Variants in VWA8 observed in about 807,000 individuals in gnomAD.
VWA8 encodes the protein von Willebrand factor A domain containing 8, also known as von Willebrand factor A domain-containing protein 8.
In VWA8, 221 loss-of-function variants were observed where a neutral mutation model predicts 241.5. The ratio of observed to expected loss-of-function variants is 0.91; its 90% CI spans 0.82 to 1.02. The LOEUF (loss-of-function observed/expected upper bound fraction) is 1.02. Ranked by LOEUF, VWA8 falls within the 50% of genes least tolerant of loss-of-function variation. VWA8 has a pLI of 0.00. For missense variants in VWA8, 2,322 were observed against 2,328.7 expected (o/e 1.00, Z 0.06); for synonymous variants, 852 against 827.1 (o/e 1.03, Z -0.52).
intron 12 of VWA8, among the ~76,000 whole-genome samples, chr13:41,864,431 G>A (rs191827238): frequency 1.4e-3 from 211 of 151,648 alleles, no homozygotes; most frequent in African/African-American, 4.8e-3. Context: ...ACAACCCCAA[G>A]GTCCATCAAC....
chr13:41,819,423 C>T (rs753432657), intron 14 of VWA8, 37 bp from the exon 15 acceptor site: 1 of 1,574,402 alleles, frequency 6.4e-7, no homozygotes, highest in Admixed American at 2.0e-5. Flanking sequence ...AATAACATAT[C>T]TTTCATGTAA....
chr13:41,941,488 T>G (rs1877596309), intron 2 of VWA8, among the ~76,000 whole-genome samples: 1 of 152,218 alleles, frequency 6.6e-6, no homozygotes, highest in African/African-American at 2.4e-5. Flanking sequence ...AACTGAAGCT[T>G]ATTTGAAAAG....
chr13:41,573,486 A>AATATATATATAT (rs1555303590), intron 43 of VWA8, among the ~76,000 whole-genome samples: 459 of 113,556 alleles, frequency 4.0e-3, no homozygotes, highest in Non-Finnish European at 6.3e-3. Context: ...AAAAAAAAAA[A>AATATATATATAT]ATATATATAT....
chr13:41,860,428 A>C (rs1305819902), intron 12 of VWA8, among the ~76,000 whole-genome samples: 1 of 152,154 alleles, frequency 6.6e-6, no homozygotes, highest in Non-Finnish European at 1.5e-5. Flanking sequence ...TTTTTCAGAG[A>C]GAGGACTGAT....
intron 12 of VWA8, among the ~76,000 whole-genome samples, chr13:41,861,680 A>G (rs1017106686): frequency 6.6e-6 from 1 of 152,174 alleles, no homozygotes; most frequent in African/African-American, 2.4e-5. Context: ...CAAATCAAGA[A>G]CACAATCCCA....
At chr13:41,641,483 T>A (rs957506049) in intron 37 of VWA8, among the ~76,000 whole-genome samples, 8 of 152,284 alleles carry the variant, frequency 5.3e-5, no homozygotes, top group African/African-American at 1.9e-4. Flanking sequence ...ATTTAATGCA[T>A]GGGTAACTTG....
intron 43 of VWA8, among the ~76,000 whole-genome samples, chr13:41,571,761 G>A (rs1244584718): frequency 6.6e-6 from 1 of 152,192 alleles, no homozygotes; most frequent in Non-Finnish European, 1.5e-5. Flanking sequence ...GCCTCTACCC[G>A]GCCGCCACCC....
At chr13:41,796,522 T>C (rs183772230) in intron 17 of VWA8, among the ~76,000 whole-genome samples, 21 of 150,618 alleles carry the variant, frequency 1.4e-4, no homozygotes, top group Non-Finnish European at 3.0e-4. Flanking sequence ...AAAATTAAAT[T>C]ACTTATTTGT....
intron 21 of VWA8, among the ~76,000 whole-genome samples, chr13:41,745,283 T>TCCCGCATC (rs2045596611): frequency 6.6e-6 from 1 of 152,100 alleles, no homozygotes; most frequent in Admixed American, 6.6e-5. Flanking sequence ...ATGCTATCCC[T>TCCCGCATC]CCCGCATCCC....
chr13:41,850,195 C>T (rs187833895), intron 12 of VWA8, among the ~76,000 whole-genome samples: 12 of 152,298 alleles, frequency 7.9e-5, no homozygotes, highest in African/African-American at 2.2e-4. Flanking sequence ...TTTTTATACA[C>T]ATGCCCAAAG....
At chr13:41,694,899 T>C (rs1313396702) in intron 29 of VWA8, among the ~76,000 whole-genome samples, 1 of 152,166 alleles carries the variant, frequency 6.6e-6, no homozygotes, top group Non-Finnish European at 1.5e-5. Context: ...AACTGTATCT[T>C]TCTAAGTGAC....
Position 41,886,777 on chromosome 13 carries a change from T to C in VWA8, c.866+4A>G. The C allele has an allele frequency of 6.3e-7, 1 of 1,592,994 alleles. No homozygotes were observed. Among genetic ancestry groups the C allele is most frequent in the Non-Finnish European group, 8.5e-7 (1 of 1,172,454 alleles). On this transcript the variant is annotated splice_donor_region_variant and intron_variant, in intron 7 of 44. Transcript: ENST00000379310. Reference sequence around the variant, plus strand: ...TGTCCAGACATTTATAAAAATATACTTACTTCTCAGCAGAAACATTGGCTC... The same window carrying C: ...TGTCCAGACATTTATAAAAATATACCTACTTCTCAGCAGAAACATTGGCTC...
intron 12 of VWA8, among the ~76,000 whole-genome samples, chr13:41,842,739 T>C (rs1051769049): frequency 2.6e-5 from 4 of 152,216 alleles, no homozygotes; most frequent in African/African-American, 7.2e-5. Context: ...CACAACCAAA[T>C]ACCCTCATTT....
At chr13:41,834,444 C>G (rs894671503) in intron 12 of VWA8, among the ~76,000 whole-genome samples, 2 of 152,146 alleles carry the variant, frequency 1.3e-5, no homozygotes, top group African/African-American at 4.8e-5. Context: ...AGATAGAAAA[C>G]TAATGAATTT....
intron 21 of VWA8, among the ~76,000 whole-genome samples, chr13:41,753,901 T>C (rs775285434): frequency 5.9e-5 from 9 of 152,200 alleles, no homozygotes; most frequent in Non-Finnish European, 1.2e-4. Flanking sequence ...AAACATTCTT[T>C]ATAGACTGCC....
chr13:41,751,646 A>G (rs2045656869), intron 21 of VWA8, among the ~76,000 whole-genome samples: 3 of 140,880 alleles, frequency 2.1e-5, no homozygotes, highest in South Asian at 2.6e-4. Flanking sequence ...AAAGCATGTC[A>G]TCATTCACTC....
rs563748270 is a variant in VWA8, at chr13:41,848,314, G to C, written c.1426-14783C>G. 7.2e-5 allele frequency among the ~76,000 whole-genome samples: 11 copies of C among 152,286 alleles called. No homozygotes were observed. The East Asian group carries it at 2.1e-3, about 29-fold the overall frequency. ...AGGGAGAGTTACTAAAAACAAATGA[G>C]GAGCCTCTCACTTGAAGCAACATAG... On this transcript the variant is annotated intron_variant, in intron 12 of 44. Coordinates refer to ENST00000379310, the MANE Select transcript of VWA8 (RefSeq NM_015058.2).
intron 23 of VWA8, 66 bp from the exon 24 acceptor site, chr13:41,727,379 T>C: frequency 1.8e-6 from 2 of 1,120,528 alleles, no homozygotes; most frequent in Non-Finnish European, 2.5e-6. Flanking sequence ...CAAGCAACAA[T>C]CTTTTAGATA....
intron 21 of VWA8, among the ~76,000 whole-genome samples, chr13:41,737,849 T>C (rs889639353): frequency 6.6e-6 from 1 of 151,486 alleles, no homozygotes; most frequent in Non-Finnish European, 1.5e-5. Flanking sequence ...ACAGAACCCA[T>C]AAATTTATAC....
Sources: allele counts gnomAD v4.1 joint callset (sites outside exome capture counted in the v4.1 genomes callset), GRCh38; gene constraint gnomAD v4.1.1; transcripts MANE v1.5; gene names NCBI Gene and HGNC (gene_info 2026-07-23, HGNC 2026-07-21).